The following LTB4R variants were observed in gnomAD, a reference collection of about 807,000 sequenced individuals.
LTB4R encodes the protein leukotriene B4 receptor.
For synonymous variants in LTB4R, 250 were observed against 230.7 expected, an observed-to-expected ratio of 1.08 and a Z score of -0.76; for missense variants, 470 against 485.6, an observed-to-expected ratio of 0.97 and a Z score of 0.30.
In LTB4R at chr14:24,316,248, C is replaced by T. The variant is rs759879324; in HGVS notation, c.597C>T (p.Ala199=). The change falls in exon 2 of 2, where the codon GCC becomes GCT. Residue 199 remains alanine, a synonymous_variant. Coordinates refer to ENST00000345363, the MANE Select transcript of LTB4R (RefSeq NM_001143919.3). ...TGCTGCCCTTCCTGGCTGTGGTGGC[C>T]AGCTACTCGGACATAGGGCGTCGGC... ...GFLLPFLAVV[A]SYSDIGRRLQ... 12 of 1,613,074 alleles carry T rather than the reference C, an allele frequency of 7.4e-6. No individual in the cohort carries two copies. The Admixed American group carries it at 2.0e-4, about 27-fold the overall frequency.
rs1172997963 is a variant in LTB4R, at chr14:24,316,558, A to C, written c.907A>C (p.Lys303Gln). ...CTCGGCGGGCGTGGGCTTCGTCGCC[A>C]AGCTGCTGGAGGGCACGGGCTCCGA... ...LRSAGVGFVAKLLEGTGSEAS... is the reference protein window; with the variant it reads ...LRSAGVGFVAQLLEGTGSEAS... The change falls in exon 2 of 2, where the codon AAG (lysine) becomes CAG (glutamine). Residue 303 changes from lysine (K) to glutamine (Q), a missense_variant. By Grantham distance (53) the Lys-to-Gln change is moderately conservative. Transcript: ENST00000345363. 3.4e-5 allele frequency: 49 copies of C among 1,436,758 alleles called. No homozygotes were observed. Among genetic ancestry groups the C allele is most frequent in the Non-Finnish European group, 4.3e-5 (47 of 1,102,806 alleles). 89.0% of individuals were successfully genotyped at this position (1,436,758 alleles called of 1,614,324 possible).
rs781449905 is a variant in LTB4R at position 24,311,685 on chromosome 14, G to A, written c.-135G>A. ...GCTGAAAGTGGTGGGGCAGGGCCGCGGCAATGGAGACCCGGGGGGTGGGAT... is the reference window on the plus strand; with the variant it reads ...GCTGAAAGTGGTGGGGCAGGGCCGCAGCAATGGAGACCCGGGGGGTGGGAT... On this transcript the variant is annotated 5_prime_UTR_variant, in exon 1 of 2. Transcript: ENST00000345363. 3.7e-6 allele frequency: 6 copies of A among 1,609,290 alleles called. No individual in the cohort carries two copies. The highest frequency in any genetic ancestry group is 5.1e-6 in the Non-Finnish European group (6 of 1,176,878).
chr14:24,313,587 T>C (rs903539851), intron 1 of LTB4R: 1 of 864 alleles, frequency 1.2e-3, no homozygotes, highest in Non-Finnish European at 9.6e-3. Context: ...GTTTCTTTTT[T>C]TTTTTTTTTT....
chr14:24,314,092 A>G (rs2041749339), intron 1 of LTB4R: 1 of 152,256 alleles, frequency 6.6e-6, no homozygotes, highest in Non-Finnish European at 1.5e-5. Context: ...TCTAAAGTGG[A>G]ACTGAATAGT....
Position 24,317,578 on chromosome 14 carries a change from A to G in LTB4R, c.*868A>G, listed in dbSNP as rs954217989. Reference sequence around the variant, plus strand: ...ACCTTGGTCCAACTCTGTTCTGACAAGGTTTTAGGAAGATGGCAACAACAG... The same window carrying G: ...ACCTTGGTCCAACTCTGTTCTGACAGGGTTTTAGGAAGATGGCAACAACAG... On this transcript the variant is annotated 3_prime_UTR_variant, in exon 2 of 2. Coordinates refer to ENST00000345363, the MANE Select transcript of LTB4R (RefSeq NM_001143919.3). 1.8e-5 allele frequency: 3 copies of G among 167,088 alleles called. No homozygotes were observed. The highest frequency in any genetic ancestry group is 4.4e-5 in the Non-Finnish European group (3 of 68,122). The allele number at this position is 167,088 out of a possible 1,614,324, so 10.4% of individuals were successfully genotyped here. A position where few individuals can be genotyped will look rare whatever the true frequency, so the allele number is the denominator to read the frequency against.
rs1375735790 is a variant in LTB4R, at chr14:24,311,620, G to A, written c.-200G>A. The A allele has an allele frequency of 2.5e-6, 4 of 1,612,986 alleles. No individual in the cohort carries two copies. The highest frequency in any genetic ancestry group is 3.4e-6 in the Non-Finnish European group (4 of 1,180,032). On this transcript the variant is annotated 5_prime_UTR_variant, in exon 1 of 2. Transcript: ENST00000345363. ...TCTGGGGAGGCCCGAGGGGGCGGCCGCTCTAGGGAAGGGACCATGGAGCTC... is the reference window on the plus strand; with the variant it reads ...TCTGGGGAGGCCCGAGGGGGCGGCCACTCTAGGGAAGGGACCATGGAGCTC...
chr14:24,312,433 C>T (rs2041725840), intron 1 of LTB4R, among the ~76,000 whole-genome samples: 1 of 152,104 alleles, frequency 6.6e-6, no homozygotes, highest in South Asian at 2.1e-4. Context: ...GTGTAGGGGC[C>T]CTGGGAGTCT....
chr14:24,315,114 C>G (rs1441060047), intron 1 of LTB4R: 3 of 154,242 alleles, frequency 1.9e-5, no homozygotes, highest in Admixed American at 1.9e-4. Flanking sequence ...GAAAGCCTGA[C>G]CAGCGTAAAA....
In LTB4R at chr14:24,316,033, C is replaced by A; in HGVS notation, c.382C>A (p.Leu128Ile). The A allele has an allele frequency of 6.2e-7, 1 of 1,613,778 alleles. No individual in the cohort carries two copies. Among genetic ancestry groups the A allele is most frequent in the Non-Finnish European group, 8.5e-7 (1 of 1,180,034 alleles). ...AVARPFVSQK[L>I]RTKAMARRVL... is the part of the protein sequence containing the mutation. ...GGCCCGCCCCTTTGTGTCCCAGAAG[C>A]TACGCACCAAGGCGATGGCCCGGCG... Residue 128 changes from leucine to isoleucine, a missense_variant, in exon 2 of 2, where the codon CTA becomes ATA. By Grantham distance (5) the Leu-to-Ile change is conservative. Coordinates refer to ENST00000345363, the MANE Select transcript of LTB4R (RefSeq NM_001143919.3).
chr14:24,312,398 A>G (rs2041725152), intron 1 of LTB4R, among the ~76,000 whole-genome samples: 1 of 152,186 alleles, frequency 6.6e-6, no homozygotes, highest in East Asian at 1.9e-4. Flanking sequence ...TGAGTATGAG[A>G]CAGGCACACA....
Position 24,316,580 on chromosome 14 carries a change from C to G in LTB4R, c.929C>G (p.Ser310Cys). Residue 310 changes from serine to cysteine, a missense_variant, in exon 2 of 2, where the codon TCC becomes TGC. Physicochemically the swap from Ser to Cys is moderately radical, Grantham distance 112 (BLOSUM62 -1). Coordinates refer to ENST00000345363, the MANE Select transcript of LTB4R (RefSeq NM_001143919.3). The stretch of plus-strand genomic sequence containing the variant: ...GCCAAGCTGCTGGAGGGCACGGGCT[C>G]CGAGGCGTCCAGCACGCGCCGCGGG... ...FVAKLLEGTG[S>C]EASSTRRGGS... is the part of the protein sequence containing the mutation. 1 of 1,444,522 alleles carries G rather than the reference C, an allele frequency of 6.9e-7. No homozygotes were observed. The highest frequency in any genetic ancestry group is 1.4e-5 in the South Asian group (1 of 70,824). The allele number at this position is 1,444,522 out of a possible 1,614,324, so 89.5% of individuals were successfully genotyped here.
At chr14:24,311,859 T>A (rs1274982666) in intron 1 of LTB4R, 55 bp downstream of exon 1, 1 of 967,666 alleles carries the variant, frequency 1.0e-6, no homozygotes, top group African/African-American at 1.7e-5. Flanking sequence ...TGGATCTGGC[T>A]GGGTAGGATT....
At position 24,311,770 on chromosome 14, in the gene LTB4R, C is replaced by T; in HGVS notation, c.-50C>T. 6.6e-7 allele frequency: 1 copy of T among 1,518,850 alleles called. No individual in the cohort carries two copies. Among genetic ancestry groups the T allele is most frequent in the Non-Finnish European group, 8.9e-7 (1 of 1,128,762 alleles). The allele number at this position is 1,518,850 out of a possible 1,614,324, so 94.1% of individuals were successfully genotyped here. On this transcript the variant is annotated 5_prime_UTR_variant, in exon 1 of 2. Coordinates refer to ENST00000345363, the MANE Select transcript of LTB4R (RefSeq NM_001143919.3). The stretch of plus-strand genomic sequence containing the variant: ...CAGACCCTACAACCTGCTGCCCTTC[C>T]CTGTCCCTTTCCACCCCCCACCCAC...
intron 1 of LTB4R, chr14:24,313,822 G>C (rs1160471340): frequency 6.6e-6 from 1 of 152,176 alleles, no homozygotes; most frequent in Non-Finnish European, 1.5e-5. Context: ...CTAACATCAA[G>C]TGATCTGCTC....
rs927379194 is a variant in LTB4R, at chr14:24,311,654, C to T, written c.-166C>T. On this transcript the variant is annotated 5_prime_UTR_variant, in exon 1 of 2. Transcript: ENST00000345363. ...AAGGGACCATGGAGCTCCGAACTAC[C>T]CCTCAGCTGAAAGTGGTGGGGCAGG... is the stretch of plus-strand genomic sequence containing the variant. The T allele has an allele frequency of 1.9e-6, 3 of 1,612,996 alleles. No homozygotes were observed. Among genetic ancestry groups the T allele is most frequent in the Non-Finnish European group, 1.7e-6 (2 of 1,179,508 alleles).
chr14:24,316,513 G>A lies in LTB4R; in HGVS notation c.862G>A (p.Ala288Thr), dbSNP rs1360581283. The change falls in exon 2 of 2, where the codon GCC becomes ACC. Residue 288 changes from alanine (A) to threonine (T), a missense_variant. Physicochemically the swap from Ala to Thr is moderately conservative, Grantham distance 58. Transcript: ENST00000345363. ...SSVNPVLYAC[A>T]GGGLLRSAGV... ...CGTGAACCCCGTGCTGTACGCGTGC[G>A]CCGGCGGCGGCCTGCTGCGCTCGGC... is the stretch of plus-strand genomic sequence containing the variant. The A allele has an allele frequency of 2.7e-6, 4 of 1,482,558 alleles. No homozygotes were observed. Among genetic ancestry groups the A allele is most frequent in the Non-Finnish European group, 1.8e-6 (2 of 1,123,778 alleles). 91.8% of individuals were successfully genotyped at this position (1,482,558 alleles called of 1,614,324 possible).
In LTB4R at chr14:24,316,582, G is replaced by T; in HGVS notation, c.931G>T (p.Glu311Ter). 1 of 1,446,832 alleles carries T rather than the reference G, an allele frequency of 6.9e-7. No individual in the cohort carries two copies. Among genetic ancestry groups the T allele is most frequent in the South Asian group, 1.4e-5 (1 of 71,344 alleles). The allele number at this position is 1,446,832 out of a possible 1,614,324, so 89.6% of individuals were successfully genotyped here. ...CAAGCTGCTGGAGGGCACGGGCTCCGAGGCGTCCAGCACGCGCCGCGGGGG... is the reference window on the plus strand; with the variant it reads ...CAAGCTGCTGGAGGGCACGGGCTCCTAGGCGTCCAGCACGCGCCGCGGGGG... ...VAKLLEGTGS[E>*]ASSTRRGGSL... Residue 311 changes from glutamate (E) to a stop codon, truncating the protein, a stop_gained, in exon 2 of 2, where the codon GAG becomes TAG. Transcript: ENST00000345363. LOFTEE classifies it low-confidence loss of function (END_TRUNC).
At position 24,316,595 on chromosome 14, in the gene LTB4R, C is replaced by T; in HGVS notation, c.944C>T (p.Thr315Met). ...LEGTGSEASSTRRGGSLGQTA... is the reference protein window; with the variant it reads ...LEGTGSEASSMRRGGSLGQTA... ...GGCACGGGCTCCGAGGCGTCCAGCA[C>T]GCGCCGCGGGGGCAGCCTGGGCCAG... Residue 315 changes from threonine to methionine, a missense_variant, in exon 2 of 2, where the codon ACG becomes ATG. Physicochemically the swap from Thr to Met is moderately conservative, Grantham distance 81 (BLOSUM62 -1). Coordinates refer to ENST00000345363, the MANE Select transcript of LTB4R (RefSeq NM_001143919.3). 6.8e-7 allele frequency: 1 copy of T among 1,462,428 alleles called. No individual in the cohort carries two copies. The highest frequency in any genetic ancestry group is 9.0e-7 in the Non-Finnish European group (1 of 1,113,988). The allele number at this position is 1,462,428 out of a possible 1,614,324, so 90.6% of individuals were successfully genotyped here.
At chr14:24,313,886 A>T (rs1433133067) in intron 1 of LTB4R, 2 of 152,204 alleles carry the variant, frequency 1.3e-5, no homozygotes, top group Admixed American at 1.3e-4. Flanking sequence ...ACAACCTGCC[A>T]GGAATTTTTA....
Sources: allele counts gnomAD v4.1 joint callset (sites outside exome capture counted in the v4.1 genomes callset), GRCh38; gene constraint gnomAD v4.1.1; transcripts MANE v1.5; gene names NCBI Gene and HGNC (gene_info 2026-07-23, HGNC 2026-07-21).